XKR4: variants seen among roughly 807,000 people sequenced by gnomAD.
XKR4 encodes XK related 4.
In XKR4, 12 loss-of-function variants were observed where a neutral mutation model predicts 53.9. That is an observed-to-expected ratio of 0.22 (90% CI 0.14 to 0.36). The LOEUF is 0.36. Among genes scored for constraint, XKR4 ranks in the 10% least tolerant of loss-of-function variants. The pLI is 1.00. For missense variants in XKR4, 799 were observed against 859.5 expected, an observed-to-expected ratio of 0.93 and a Z score of 0.88; for synonymous variants, 354 against 362.4, an observed-to-expected ratio of 0.98 and a Z score of 0.26.
chr8:55,193,095 C>T (rs1332013523), intron 1 of XKR4, among the ~76,000 whole-genome samples: 3 of 151,466 alleles, frequency 2.0e-5, no homozygotes, highest in Admixed American at 6.6e-5. Flanking sequence ...CTTAGGTCTT[C>T]GGATGAAAAA....
chr8:55,107,311 G>A (rs762847636), intron 1 of XKR4, among the ~76,000 whole-genome samples: 7 of 152,004 alleles, frequency 4.6e-5, no homozygotes, highest in Non-Finnish European at 8.8e-5. Context: ...ATTAAAAACG[G>A]GGCCCATTTT....
chr8:55,397,765 A>G (rs116009264), intron 2 of XKR4, among the ~76,000 whole-genome samples: 1,994 of 152,246 alleles, frequency 0.013, 51 homozygotes, highest in African/African-American at 0.046. Flanking sequence ...ATGGTCTTCC[A>G]GCTTCACTGC....
Position 55,523,484 on chromosome 8 carries a change from T to A in XKR4, c.1210T>A (p.Phe404Ile), listed in dbSNP as rs1197801334. 1 of 1,614,230 alleles carries A rather than the reference T, an allele frequency of 6.2e-7. No individual in the cohort carries two copies. The highest frequency in any genetic ancestry group is 8.5e-7 in the Non-Finnish European group (1 of 1,180,044). ...GGTTTTCCAGCTGTACTTTGGGATC[T>A]TCATCGTCCTTCACTGGTGCATCAT... The part of the protein sequence containing the change: ...ASVFQLYFGI[F>I]IVLHWCIMTF... Residue 404 changes from phenylalanine to isoleucine, a missense_variant, in exon 3 of 3, where the codon TTC becomes ATC. By Grantham distance (21) the Phe-to-Ile change is conservative. Around this residue, in one of 3 missense-constraint regions of XKR4, gnomAD observed 54 missense variants for 89.7 expected, o/e 0.60. Transcript: ENST00000327381.
At chr8:55,305,696 A>T (rs1819286638) in intron 1 of XKR4, among the ~76,000 whole-genome samples, 1 of 152,206 alleles carries the variant, frequency 6.6e-6, no homozygotes, top group Non-Finnish European at 1.5e-5. Flanking sequence ...TATAAATATT[A>T]GGACTGATGC....
At chr8:55,278,653 A>G (rs552113543) in intron 1 of XKR4, among the ~76,000 whole-genome samples, 23 of 152,328 alleles carry the variant, frequency 1.5e-4, no homozygotes, top group Admixed American at 4.6e-4. Flanking sequence ...TAGATTACAT[A>G]TAATAAGTTG....
chr8:55,208,077 C>A (rs920080896), intron 1 of XKR4, among the ~76,000 whole-genome samples: 1 of 152,180 alleles, frequency 6.6e-6, no homozygotes, highest in African/African-American at 2.4e-5. Flanking sequence ...ATTTAAGGTG[C>A]ACATCATGAT....
At chr8:55,283,860 G>A (rs950111691) in intron 1 of XKR4, among the ~76,000 whole-genome samples, 3 of 152,144 alleles carry the variant, frequency 2.0e-5, no homozygotes, top group Non-Finnish European at 4.4e-5. Flanking sequence ...TGATGCTACT[G>A]GGACATTACC....
intron 1 of XKR4, among the ~76,000 whole-genome samples, chr8:55,270,250 G>A (rs1818668302): frequency 6.6e-6 from 1 of 152,122 alleles, no homozygotes; most frequent in South Asian, 2.1e-4. Context: ...TTCTCTGCAG[G>A]TCCTTGCTGT....
At position 55,454,821 on chromosome 8, in the gene XKR4, T is replaced by C; in HGVS notation, c.1007-68460T>C. The C allele has an allele frequency of 3.9e-6, 3 of 767,324 alleles. No individual in the cohort carries two copies. In the South Asian group the frequency reaches 4.1e-5, roughly 11 times the overall value. 47.5% of individuals were successfully genotyped at this position (767,324 alleles called of 1,614,324 possible). A position where few individuals can be genotyped will look rare whatever the true frequency, so the allele number is the denominator to read the frequency against. Reference sequence around the variant, plus strand: ...ATGGGCAGGCTCTGTGGGCGACAGGTGCGTAAGGCCTCCCTCATCCTCCTC... The same window carrying C: ...ATGGGCAGGCTCTGTGGGCGACAGGCGCGTAAGGCCTCCCTCATCCTCCTC... On this transcript the variant is annotated intron_variant, in intron 2 of 2. Coordinates refer to ENST00000327381, the MANE Select transcript of XKR4 (RefSeq NM_052898.2).
At chr8:55,103,433 A>G (rs1375271318) in intron 1 of XKR4, 139 bp downstream of exon 1, 1 of 1,418,726 alleles carries the variant, frequency 7.0e-7, no homozygotes, top group African/African-American at 1.5e-5. Flanking sequence ...GTTTCTTTTG[A>G]ACTGGGGCTT....
intron 1 of XKR4, chr8:55,139,965 T>C (rs1014616134): frequency 1.3e-5 from 3 of 235,372 alleles, no homozygotes; most frequent in Non-Finnish European, 2.6e-5. Context: ...GTAATTAATA[T>C]ATTTACAAAT....
At chr8:55,339,845 A>T (rs1803515137) in intron 1 of XKR4, among the ~76,000 whole-genome samples, 1 of 152,048 alleles carries the variant, frequency 6.6e-6, no homozygotes, top group African/African-American at 2.4e-5. Flanking sequence ...AATGTGTTAG[A>T]TTTTTACTAT....
At chr8:55,274,800 T>G (rs373056542) in intron 1 of XKR4, among the ~76,000 whole-genome samples, 14 of 152,252 alleles carry the variant, frequency 9.2e-5, no homozygotes, top group African/African-American at 3.4e-4. Context: ...AATCACCTCT[T>G]CAGAGGCCCT....
chr8:55,239,041 C>T (rs1818171842), intron 1 of XKR4, among the ~76,000 whole-genome samples: 1 of 152,158 alleles, frequency 6.6e-6, no homozygotes, highest in Non-Finnish European at 1.5e-5. Context: ...CTTTCCATTT[C>T]CCTGGTTAAC....
intron 1 of XKR4, among the ~76,000 whole-genome samples, chr8:55,247,834 T>TC (rs1818304010): frequency 1.4e-5 from 1 of 70,600 alleles, no homozygotes; most frequent in Non-Finnish European, 4.5e-5. Flanking sequence ...TTAATTTTTC[T>TC]TTTTCTTTCT....
At chr8:55,389,938 T>C (rs1029863611) in intron 2 of XKR4, among the ~76,000 whole-genome samples, 2 of 152,158 alleles carry the variant, frequency 1.3e-5, no homozygotes, top group Non-Finnish European at 2.9e-5. Context: ...CTCACGTCAA[T>C]GTTCCTGCCC....
chr8:55,285,639 G>A (rs373132915), intron 1 of XKR4, among the ~76,000 whole-genome samples: 16 of 152,202 alleles, frequency 1.1e-4, no homozygotes, highest in East Asian at 9.6e-4. Flanking sequence ...AAGAGTTTTC[G>A]CGCCCCTTCT....
intron 1 of XKR4, among the ~76,000 whole-genome samples, chr8:55,354,068 T>C (rs1481851808): frequency 6.6e-6 from 1 of 152,112 alleles, no homozygotes; most frequent in Non-Finnish European, 1.5e-5. Context: ...GAATTGTGGA[T>C]GATAAAACAG....
chr8:55,198,365 T>G (rs1043643702), intron 1 of XKR4, among the ~76,000 whole-genome samples: 1 of 152,162 alleles, frequency 6.6e-6, no homozygotes, highest in Non-Finnish European at 1.5e-5. Context: ...GAATATGGTA[T>G]GGATGATCAA....
Sources: allele counts gnomAD v4.1 joint callset (sites outside exome capture counted in the v4.1 genomes callset), GRCh38; gene constraint gnomAD v4.1.1; regional missense constraint gnomAD v4.1.1; transcripts MANE v1.5; gene names NCBI Gene and HGNC (gene_info 2026-07-23, HGNC 2026-07-21).